The following SORCS1 variants were observed in gnomAD, a reference collection of about 807,000 sequenced individuals.
SORCS1 encodes VPS10 domain-containing receptor SorCS1.
SORCS1 carries 60 observed loss-of-function variants against 146.1 expected under a neutral mutation model. The observed-to-expected ratio is 0.41, with a 90% CI of 0.33 to 0.51. SORCS1 has a LOEUF of 0.51. Ranked by LOEUF, SORCS1 falls within the 20% of genes least tolerant of loss-of-function variation. The pLI is 0.21. For synonymous variants in SORCS1, 637 were observed against 584.0 expected, an observed-to-expected ratio of 1.09 and a Z score of -1.31; for missense variants, 1,352 against 1,487.6, an observed-to-expected ratio of 0.91 and a Z score of 1.50.
Position 106,960,254 on chromosome 10 carries a change from T to C in SORCS1, c.559-3674A>G, listed in dbSNP as rs562062438. Among the ~76,000 whole-genome samples the C allele has an allele frequency of 1.6e-4, 24 of 152,188 alleles. No homozygotes were observed. Among genetic ancestry groups the C allele is most frequent in the Admixed American group, 1.6e-3 (24 of 15,270 alleles). On this transcript the variant is annotated intron_variant, in intron 1 of 25. Coordinates refer to ENST00000263054, the MANE Select transcript of SORCS1 (RefSeq NM_052918.5). This position sits in a 1 kb window ranked among gnomAD's most constrained non-coding sequence, Gnocchi z 4.4. ...CCAGTTATTTCTGGGATTTCCACAG[T>C]GACATGCTTCAAGTATCCCCCTCGC...
chr10:106,697,083 G>GA (rs1315106136), intron 9 of SORCS1, among the ~76,000 whole-genome samples: 21 of 152,280 alleles, frequency 1.4e-4, no homozygotes, highest in African/African-American at 4.3e-4. Flanking sequence ...GTCAAGGCAA[G>GA]AAAATGCATG....
chr10:107,155,014 A>G (rs1479187442), intron 1 of SORCS1, among the ~76,000 whole-genome samples: 1 of 152,200 alleles, frequency 6.6e-6, no homozygotes, highest in East Asian at 1.9e-4. Flanking sequence ...AACCCAATAA[A>G]TTATATTTTA....
At chr10:106,801,898 C>T (rs999854035) in intron 3 of SORCS1, among the ~76,000 whole-genome samples, 4 of 152,160 alleles carry the variant, frequency 2.6e-5, no homozygotes, top group African/African-American at 9.7e-5. Flanking sequence ...TCCAAGACCA[C>T]ATAGATGATA....
chr10:106,807,442 C>T (rs1305684627), intron 3 of SORCS1, among the ~76,000 whole-genome samples: 2 of 152,138 alleles, frequency 1.3e-5, no homozygotes, highest in African/African-American at 2.4e-5. Flanking sequence ...ACCCCAAGTC[C>T]CTATTGCCTG....
intron 12 of SORCS1, among the ~76,000 whole-genome samples, 187 bp from the exon 13 acceptor site, chr10:106,677,591 CA>C (rs1301992122): frequency 6.6e-6 from 1 of 152,084 alleles, no homozygotes; most frequent in African/African-American, 2.4e-5. Flanking sequence ...TGGTGTTGTA[CA>C]AAATAATTTT....
intron 4 of SORCS1, among the ~76,000 whole-genome samples, chr10:106,765,479 A>G (rs1859497039): frequency 6.6e-6 from 1 of 152,136 alleles, no homozygotes; most frequent in Admixed American, 6.5e-5. Context: ...CAAAGGATGA[A>G]ATTGCCAGGG....
chr10:107,148,723 T>C (rs1477041098), intron 1 of SORCS1, among the ~76,000 whole-genome samples: 4 of 152,214 alleles, frequency 2.6e-5, no homozygotes, highest in Admixed American at 6.5e-5. Context: ...AAGGCAAATA[T>C]AATTTTCCCT....
At chr10:106,725,499 T>C (rs1027826258) in intron 6 of SORCS1, among the ~76,000 whole-genome samples, 5 of 150,610 alleles carry the variant, frequency 3.3e-5, no homozygotes, top group Non-Finnish European at 5.9e-5. Context: ...TGCAGTGAGC[T>C]GAGATCGCGC....
At chr10:106,725,933 GAAAAAA>G (rs58266957) in intron 6 of SORCS1, among the ~76,000 whole-genome samples, 127 of 135,384 alleles carry the variant, frequency 9.4e-4, no homozygotes, top group African/African-American at 1.1e-3. Flanking sequence ...TCTGTCTCAG[GAAAAAA>G]AAAAAAAAAA....
chr10:106,994,086 A>AG (rs781524208), intron 1 of SORCS1, among the ~76,000 whole-genome samples: 463 of 134,814 alleles, frequency 3.4e-3, no homozygotes, highest in Middle Eastern at 0.023. Context: ...AAAAAAAAAA[A>AG]AGAAAATGAG....
intron 2 of SORCS1, among the ~76,000 whole-genome samples, chr10:106,924,441 ATAT>A (rs1307797242): frequency 2.0e-5 from 3 of 151,678 alleles, no homozygotes; most frequent in Non-Finnish European, 4.4e-5. Flanking sequence ...ATAATTTTTA[ATAT>A]TATGAAAATT....
intron 3 of SORCS1, among the ~76,000 whole-genome samples, chr10:106,806,504 C>CATTT (rs1564680476): frequency 1.1e-5 from 1 of 92,912 alleles, no homozygotes; most frequent in Non-Finnish European, 2.1e-5. Context: ...AGAGAGGAAG[C>CATTT]CTTTTTTTTT....
At chr10:106,753,618 G>A (rs897094701) in intron 5 of SORCS1, among the ~76,000 whole-genome samples, 1 of 151,816 alleles carries the variant, frequency 6.6e-6, no homozygotes, top group Non-Finnish European at 1.5e-5. Flanking sequence ...TGCCTCTTTC[G>A]TGTCAGCCTT....
chr10:106,790,163 C>T (rs188993190), intron 3 of SORCS1, among the ~76,000 whole-genome samples: 1 of 152,206 alleles, frequency 6.6e-6, no homozygotes, highest in South Asian at 2.1e-4. Context: ...ACAATTGATA[C>T]TGGACTTAAT....
chr10:107,176,315 TTCTC>T, the SORCS1 span, among the ~76,000 whole-genome samples: 1 of 70,946 alleles, frequency 1.4e-5, no homozygotes, highest in Non-Finnish European at 3.6e-5. Flanking sequence ...CTCTCTTTCT[TTCTC>T]TCTCTCTCTC....
Position 106,963,110 on chromosome 10 carries a change from A to ATTTTTTTTTTTTTTT in SORCS1, c.559-6545_559-6531dup, listed in dbSNP as rs749174613. Among the ~76,000 whole-genome samples, 359 of 76,274 alleles carry ATTTTTTTTTTTTTTT rather than the reference A, an allele frequency of 4.7e-3. 60 individuals carry two copies. Among genetic ancestry groups the ATTTTTTTTTTTTTTT allele is most frequent in the East Asian group, 0.02 (45 of 2,278 alleles). 50.0% of individuals were successfully genotyped at this position (76,274 alleles called of 152,430 possible). ...AAGAGAGCAGTGTTCAATGGCCAGA[A>ATTTTTTTTTTTTTTT]TTTTTTTTTTTTTTTTTTTTTTTTT... On this transcript the variant is annotated intron_variant, in intron 1 of 25. Transcript: ENST00000263054.
chr10:106,825,499 C>T lies in SORCS1; in HGVS notation c.726+4075G>A, dbSNP rs1371702099. Among the ~76,000 whole-genome samples the T allele has an allele frequency of 2.0e-5, 3 of 151,972 alleles. No individual in the cohort carries two copies. In the East Asian group the frequency reaches 5.8e-4, roughly 29 times the overall value. ...ATGTTAGCCAGGATGGTCTCAATCT[C>T]CTGACCTCGTGATCCACCCGCCTCG... is the stretch of plus-strand genomic sequence containing the variant. On this transcript the variant is annotated intron_variant, in intron 3 of 25. Coordinates refer to ENST00000263054, the MANE Select transcript of SORCS1 (RefSeq NM_052918.5).
chr10:107,110,425 G>A (rs1271358284), intron 1 of SORCS1, among the ~76,000 whole-genome samples: 1 of 152,116 alleles, frequency 6.6e-6, no homozygotes, highest in East Asian at 1.9e-4. Flanking sequence ...GAAGCCTCAG[G>A]GAGCTTTCAA....
At chr10:106,853,289 T>C (rs1380131146) in intron 2 of SORCS1, among the ~76,000 whole-genome samples, 1 of 152,156 alleles carries the variant, frequency 6.6e-6, no homozygotes, top group Non-Finnish European at 1.5e-5. Flanking sequence ...ATTGTCTCTT[T>C]AGTATCCATA....
Sources: allele counts gnomAD v4.1 joint callset (sites outside exome capture counted in the v4.1 genomes callset), GRCh38; gene constraint gnomAD v4.1.1; non-coding constraint Gnocchi (gnomAD v3.1); transcripts MANE v1.5; gene names NCBI Gene and HGNC (gene_info 2026-07-23, HGNC 2026-07-21).